MACF1: variants seen among roughly 807,000 people sequenced by gnomAD.
MACF1 encodes microtubule-actin cross-linking factor 1.
MACF1 carries 193 observed loss-of-function variants against 854.8 expected under a neutral mutation model. The ratio of observed to expected loss-of-function variants is 0.23; its 90% CI spans 0.20 to 0.25. The LOEUF (loss-of-function observed/expected upper bound fraction) is 0.25. Among genes scored for constraint, MACF1 ranks in the 10% least tolerant of loss-of-function variants. The pLI is 1.00. For synonymous variants in MACF1, 3,185 were observed against 3,226.7 expected (o/e 0.99, Z 0.44); for missense variants, 7,722 against 8,929.1 (o/e 0.86, Z 5.45).
chr1:39,218,772 TTTTTG>T (rs1491539355), intron 1 of MACF1, among the ~76,000 whole-genome samples: 1 of 121,554 alleles, frequency 8.2e-6, no homozygotes, highest in South Asian at 2.2e-4. Context: ...ATAAGGTAAA[TTTTTG>T]TTTTGTTTTG....
chr1:39,337,562 A>ATTTTTTTTTTTTTTTTTTTCTTT (rs1646835669), intron 38 of MACF1, among the ~76,000 whole-genome samples: 1 of 100,154 alleles, frequency 1.0e-5, no homozygotes, highest in African/African-American at 3.8e-5. Flanking sequence ...AATTACTACC[A>ATTTTTTTTTTTTTTTTTTTCTTT]TTTTTTTTTT....
upstream of MACF1, among the ~76,000 whole-genome samples, chr1:39,200,351 A>G (rs906379050): frequency 1.3e-5 from 2 of 151,988 alleles, no homozygotes; most frequent in Non-Finnish European, 2.9e-5. Context: ...CTTGAACTTG[A>G]TCTCTTCTCT....
chr1:39,430,076 GTTACT>G lies in MACF1; in HGVS notation c.17130+13_17130+17del. Reference sequence around the variant, plus strand: ...TTTCAGCAGAGACAGAAGGTGAGCTGTTACTTTACCATAAAAAGAAAAAAAGGCTT... The same window carrying G: ...TTTCAGCAGAGACAGAAGGTGAGCTGTTACCATAAAAAGAAAAAAAGGCTT... On this transcript the variant is annotated intron_variant, in intron 65 of 100. Coordinates refer to ENST00000564288, the MANE Select transcript of MACF1 (RefSeq NM_001394062.1). The G allele has an allele frequency of 6.2e-7, 1 of 1,604,552 alleles. No individual in the cohort carries two copies. Among genetic ancestry groups the G allele is most frequent in the Non-Finnish European group, 8.5e-7 (1 of 1,176,136 alleles).
rs781665433 is a variant in MACF1 at position 39,448,623 on chromosome 1, G to A, written c.20118G>A (p.Gln6706=). 1.9e-6 allele frequency: 3 copies of A among 1,592,188 alleles called. No individual in the cohort carries two copies. Among genetic ancestry groups the A allele is most frequent in the Admixed American group, 3.5e-5 (2 of 57,684 alleles). The change falls in exon 84 of 101, where the codon CAG becomes CAA. Residue 6706 remains glutamine (Q), a synonymous_variant. Transcript: ENST00000564288. ...KEFQKTLGGK[Q]PVYDTTIRTG... is the part of the protein sequence containing the mutation. ...TTCAGAAGACTCTTGGTGGCAAGCA[G>A]CCTGTGTATGATACCACAATTAGAA...
At chr1:39,416,891 A>G (rs923660007) in intron 58 of MACF1, among the ~76,000 whole-genome samples, 1 of 152,264 alleles carries the variant, frequency 6.6e-6, no homozygotes, top group Non-Finnish European at 1.5e-5. Context: ...GCAAGAATGT[A>G]GAGAGGCCAT....
intron 2 of MACF1, among the ~76,000 whole-genome samples, chr1:39,169,257 T>C (rs2148218711): frequency 6.6e-6 from 1 of 152,320 alleles, no homozygotes; most frequent in African/African-American, 2.4e-5. Flanking sequence ...AAGTAGCAGC[T>C]ACTTTCCTAG....
intron 45 of MACF1, among the ~76,000 whole-genome samples, chr1:39,358,147 TG>T (rs1647756815): frequency 6.6e-6 from 1 of 152,248 alleles, no homozygotes; most frequent in Non-Finnish European, 1.5e-5. Flanking sequence ...ATGGTGAAGG[TG>T]GAAGTATTCC....
intron 58 of MACF1, among the ~76,000 whole-genome samples, chr1:39,415,327 T>G (rs1643248852): frequency 6.6e-6 from 1 of 151,350 alleles, no homozygotes; most frequent in Non-Finnish European, 1.5e-5. Context: ...GCTCTAAGAT[T>G]CTTTTTATTT....
chr1:39,133,977 C>T (rs472998), intron 2 of MACF1, among the ~76,000 whole-genome samples: 15,136 of 147,628 alleles, frequency 0.1, 2,071 homozygotes, highest in African/African-American at 0.32. Flanking sequence ...TAGGGATTTG[C>T]GTGGCCAGGT....
At chr1:39,093,397 C>A (rs1335881965) in intron 2 of MACF1, among the ~76,000 whole-genome samples, 1 of 148,720 alleles carries the variant, frequency 6.7e-6, no homozygotes, top group Admixed American at 6.8e-5. Flanking sequence ...CTCATTGCAA[C>A]CACCGCCTCC....
At position 39,424,099 on chromosome 1, in the gene MACF1, C is replaced by T. The variant is rs750700182; in HGVS notation, c.16221C>T (p.Ala5407=). Residue 5407 remains alanine (A), a synonymous_variant, in exon 61 of 101, where the codon GCC becomes GCT. Transcript: ENST00000564288. ...DMLQAEGGRI[A]QSAELADREK... ...TTCAAGCAGAAGGAGGCAGAATAGC[C>T]CAGTCAGCAGAGCTGGCTGATAGAG... 1 of 1,612,152 alleles carries T rather than the reference C, an allele frequency of 6.2e-7. No individual in the cohort carries two copies. The highest frequency in any genetic ancestry group is 1.1e-5 in the South Asian group (1 of 90,944).
chr1:39,282,181 A>G (rs749111116), intron 6 of MACF1, 27 bp from the exon 7 acceptor site: 1 of 1,609,386 alleles, frequency 6.2e-7, no homozygotes, highest in Middle Eastern at 1.7e-4. Context: ...TTTATAATGA[A>G]TTATTCTGTG....
At chr1:39,445,588 A>G (rs1455857612) in intron 80 of MACF1, among the ~76,000 whole-genome samples, 1 of 151,614 alleles carries the variant, frequency 6.6e-6, no homozygotes, top group Non-Finnish European at 1.5e-5. Flanking sequence ...AGAAGCATTA[A>G]TTTCCTAAAA....
Position 39,442,023 on chromosome 1 carries a change from T to A in MACF1, c.18744T>A (p.Asn6248Lys), listed in dbSNP as rs1274814932. 6.2e-7 allele frequency: 1 copy of A among 1,613,830 alleles called. No homozygotes were observed. Among genetic ancestry groups the A allele is most frequent in the Non-Finnish European group, 8.5e-7 (1 of 1,179,956 alleles). Residue 6248 changes from asparagine to lysine, a missense_variant, in exon 75 of 101, where the codon AAT becomes AAA. By Grantham distance (94) the Asn-to-Lys change is moderately conservative. Transcript: ENST00000564288. ...TGCCCCCTGTTGGCACTGACCTCAA[T>A]ACTGTTAAAGATCAGTTAAATGAAA... is the stretch of plus-strand genomic sequence containing the variant. ...CTMPPVGTDL[N>K]TVKDQLNEMK...
rs765028239 is a variant in MACF1 at position 39,332,594 on chromosome 1, T to C, written c.6006T>C (p.Pro2002=). The part of the protein sequence containing the change: ...LTSRDEYQTS[P]PKVVEIGHQR... ...CCAGAGATGAGTATCAAACAAGTCC[T>C]CCAAAAGTGGTTGAAATTGGGCATC... Residue 2002 remains proline (P), a synonymous_variant, in exon 37 of 101, where the codon CCT becomes CCC. Coordinates refer to ENST00000564288, the MANE Select transcript of MACF1 (RefSeq NM_001394062.1). 26 of 1,613,964 alleles carry C rather than the reference T, an allele frequency of 1.6e-5. 1 individual carries two copies. In the Middle Eastern group the frequency reaches 6.6e-4, roughly 41 times the overall value.
rs1392145388 is a variant in MACF1, at chr1:39,379,461, A to G, written c.13518+17A>G. On this transcript the variant is annotated intron_variant, in intron 54 of 100. Transcript: ENST00000564288. Reference sequence around the variant, plus strand: ...TCTAACAAGGTACTGTGTTTACATTAGTTGCCTCCCAACACCAAGAGGAAG... The same window carrying G: ...TCTAACAAGGTACTGTGTTTACATTGGTTGCCTCCCAACACCAAGAGGAAG... 6.2e-7 allele frequency: 1 copy of G among 1,600,300 alleles called. No homozygotes were observed. Among genetic ancestry groups the G allele is most frequent in the Non-Finnish European group, 8.5e-7 (1 of 1,173,336 alleles).
intron 35 of MACF1, 28 bp downstream of exon 35, chr1:39,324,762 C>T (rs1255095223): frequency 1.3e-6 from 2 of 1,498,016 alleles, no homozygotes; most frequent in Non-Finnish European, 9.3e-7. Context: ...GATTATGGCA[C>T]ATCTGGGGCA....
chr1:39,283,165 A>G lies in MACF1; in HGVS notation c.696-24A>G. ...TGTGATGTGTAGATGGTGGCGTTTCATGTGCCTTGCTGGACTTTTACAGAC... is the reference window on the plus strand; with the variant it reads ...TGTGATGTGTAGATGGTGGCGTTTCGTGTGCCTTGCTGGACTTTTACAGAC... On this transcript the variant is annotated intron_variant, in intron 7 of 100. Coordinates refer to ENST00000564288, the MANE Select transcript of MACF1 (RefSeq NM_001394062.1). The surrounding 1 kb of genome is among the most constrained non-coding windows in gnomAD (Gnocchi z 4.5). 6.8e-7 allele frequency: 1 copy of G among 1,478,652 alleles called. No homozygotes were observed. The highest frequency in any genetic ancestry group is 9.4e-7 in the Non-Finnish European group (1 of 1,060,646). The allele number at this position is 1,478,652 out of a possible 1,614,324, so 91.6% of individuals were successfully genotyped here.
intron 49 of MACF1, among the ~76,000 whole-genome samples, chr1:39,367,352 TA>T (rs1648812192): frequency 6.6e-6 from 1 of 152,050 alleles, no homozygotes; most frequent in Non-Finnish European, 1.5e-5. Context: ...GTTTTTTTTT[TA>T]ATTATTAAAT....
Sources: gnomAD v4.1 joint callset for allele counts (sites outside exome capture counted in the v4.1 genomes callset) on GRCh38, gnomAD v4.1.1 for gene constraint, Gnocchi (gnomAD v3.1) non-coding constraint, MANE v1.5 for transcripts, NCBI Gene and HGNC (gene_info 2026-07-23, HGNC 2026-07-21) for gene names.